The following PRDM5 variants were observed in gnomAD, a reference collection of about 807,000 sequenced individuals.
PRDM5 encodes the protein PR domain zinc finger protein 5.
A neutral mutation model predicts 81.2 loss-of-function variants in PRDM5; 56 were observed. That is an observed-to-expected ratio of 0.69 (90% confidence interval 0.56 to 0.86). The LOEUF (loss-of-function observed/expected upper bound fraction) is 0.86, where lower values mean the gene tolerates loss of function less well. Among genes scored for constraint, PRDM5 ranks in the 40% least tolerant of loss-of-function variants. The pLI, the probability that PRDM5 is intolerant of heterozygous loss-of-function variation, is 0.00. For synonymous variants in PRDM5, 267 were observed against 256.4 expected (o/e 1.04, Z -0.39); for missense variants, 697 against 770.1 (o/e 0.91, Z 1.12).
chr4:120,707,984 G>C (rs982865213), intron 15 of PRDM5, among the ~76,000 whole-genome samples: 1 of 151,898 alleles, frequency 6.6e-6, no homozygotes, highest in Non-Finnish European at 1.5e-5. Context: ...CACCAAGATG[G>C]ATAATTAAAT....
rs140705820 is a variant in PRDM5, at chr4:120,700,320, A to C, written c.1729-5045T>G. ...CAAAAATTAACTTTAAGATGAATTAAAGATTTAAATGTAAGAGCTCAAACT... is the reference window on the plus strand; with the variant it reads ...CAAAAATTAACTTTAAGATGAATTACAGATTTAAATGTAAGAGCTCAAACT... On this transcript the variant is annotated intron_variant, in intron 15 of 15. Coordinates refer to ENST00000264808, the MANE Select transcript of PRDM5 (RefSeq NM_018699.4). Among the ~76,000 whole-genome samples, 46 of 152,384 alleles carry C rather than the reference A, an allele frequency of 3.0e-4. No individual in the cohort carries two copies. In the East Asian group the frequency reaches 5.8e-3, roughly 19 times the overall value.
At chr4:120,719,924 T>C (rs1738343091) in intron 14 of PRDM5, among the ~76,000 whole-genome samples, 1 of 152,164 alleles carries the variant, frequency 6.6e-6, no homozygotes, top group Non-Finnish European at 1.5e-5. Flanking sequence ...CTATTTTTGA[T>C]ATCAGGAAGA....
At chr4:120,900,357 CAAAA>C (rs1266921817) in intron 2 of PRDM5, among the ~76,000 whole-genome samples, 1 of 151,946 alleles carries the variant, frequency 6.6e-6, no homozygotes, top group African/African-American at 2.4e-5. Flanking sequence ...CATTAGCAAA[CAAAA>C]AACACTCTTA....
intron 2 of PRDM5, among the ~76,000 whole-genome samples, chr4:120,907,258 T>TG (rs776689543): frequency 2.0e-5 from 3 of 146,522 alleles, no homozygotes; most frequent in Non-Finnish European, 4.5e-5. Flanking sequence ...CGCTTGAACC[T>TG]GGGGGGCGGA....
chr4:120,784,033 T>G (rs1749414596), intron 11 of PRDM5, among the ~76,000 whole-genome samples: 1 of 152,168 alleles, frequency 6.6e-6, no homozygotes, highest in South Asian at 2.1e-4. Context: ...TTTCTACTGA[T>G]TAAGCTAATT....
chr4:120,739,602 C>G lies in PRDM5; in HGVS notation c.1623+14951G>C, dbSNP rs374780627. ...AAAACAGAATTTTGTTCCACAAAGACTTTTGTCTATTTTCCTATGGGATAA... is the reference window on the plus strand; with the variant it reads ...AAAACAGAATTTTGTTCCACAAAGAGTTTTGTCTATTTTCCTATGGGATAA... On this transcript the variant is annotated intron_variant, in intron 14 of 15. Transcript: ENST00000264808. 2.0e-5 allele frequency among the ~76,000 whole-genome samples: 3 copies of G among 152,166 alleles called. No individual in the cohort carries two copies. The East Asian group carries it at 5.8e-4, about 29-fold the overall frequency.
chr4:120,769,992 G>A (rs964933088), intron 13 of PRDM5, among the ~76,000 whole-genome samples: 1 of 150,612 alleles, frequency 6.6e-6, no homozygotes, highest in Admixed American at 6.7e-5. Context: ...TGCTCTCATT[G>A]GAATAAAATA....
chr4:120,906,172 T>G (rs893913783), intron 2 of PRDM5, among the ~76,000 whole-genome samples: 1 of 152,040 alleles, frequency 6.6e-6, no homozygotes, highest in Non-Finnish European at 1.5e-5. Flanking sequence ...TGGGTTGCTA[T>G]GTCGCTCTGG....
intron 3 of PRDM5, among the ~76,000 whole-genome samples, chr4:120,840,461 A>G (rs1399601650): frequency 6.6e-6 from 1 of 152,068 alleles, no homozygotes; most frequent in Non-Finnish European, 1.5e-5. Context: ...CCTCCTCCCA[A>G]GGCATAGGAA....
rs1430932629 is a variant in PRDM5, at chr4:120,784,799, A to G, written c.1282+199T>C. Among the ~76,000 whole-genome samples the G allele has an allele frequency of 5.3e-5, 8 of 152,182 alleles. No individual in the cohort carries two copies. The East Asian group carries it at 1.5e-3, about 29-fold the overall frequency. ...AGAAAATAAAATATCTCATAAAATA[A>G]TTAATATTACTGTGGAAAAATAAAG... On this transcript the variant is annotated intron_variant, in intron 11 of 15. Coordinates refer to ENST00000264808, the MANE Select transcript of PRDM5 (RefSeq NM_018699.4).
intron 3 of PRDM5, among the ~76,000 whole-genome samples, chr4:120,826,450 T>G (rs1362740115): frequency 6.6e-6 from 1 of 152,160 alleles, no homozygotes; most frequent in East Asian, 1.9e-4. Flanking sequence ...CATTTACTTC[T>G]GTGGTTTTTG....
rs184101003 is a variant in PRDM5 at position 120,803,943 on chromosome 4, A to G, written c.946-4198T>C. On this transcript the variant is annotated intron_variant, in intron 8 of 15. Transcript: ENST00000264808. Reference sequence around the variant, plus strand: ...AGAGAGTCAACACCCATCAGTGTGCAGTATTCAGGAGACCCATCTCACGTG... The same window carrying G: ...AGAGAGTCAACACCCATCAGTGTGCGGTATTCAGGAGACCCATCTCACGTG... Among the ~76,000 whole-genome samples the G allele has an allele frequency of 1.3e-3, 198 of 152,306 alleles. 1 individual carries two copies. The highest frequency in any genetic ancestry group is 4.5e-3 in the African/African-American group (188 of 41,570).
At chr4:120,777,374 T>C in intron 12 of PRDM5, 93 bp from the exon 13 acceptor site, 2 of 1,569,550 alleles carry the variant, frequency 1.3e-6, no homozygotes, top group East Asian at 2.3e-5. Flanking sequence ...CCTTATTTTG[T>C]AGGATTACAT....
chr4:120,719,767 C>T (rs568679643), intron 14 of PRDM5, among the ~76,000 whole-genome samples: 4 of 152,086 alleles, frequency 2.6e-5, no homozygotes, highest in African/African-American at 7.2e-5. Context: ...ATTCATTATC[C>T]TATTCTCTGC....
chr4:120,745,116 G>A (rs1403325502), intron 14 of PRDM5, among the ~76,000 whole-genome samples: 5 of 121,666 alleles, frequency 4.1e-5, no homozygotes, highest in Non-Finnish European at 1.7e-5. Flanking sequence ...GGGATGCAAG[G>A]CTGGTTCAAT....
chr4:120,753,442 A>G (rs1043527065), intron 14 of PRDM5, among the ~76,000 whole-genome samples: 1 of 152,192 alleles, frequency 6.6e-6, no homozygotes, highest in Non-Finnish European at 1.5e-5. Flanking sequence ...GAAACCTGCT[A>G]TAGATTTGCT....
intron 2 of PRDM5, among the ~76,000 whole-genome samples, chr4:120,874,306 G>A (rs1278572779): frequency 2.0e-5 from 3 of 152,154 alleles, no homozygotes; most frequent in African/African-American, 7.2e-5. Flanking sequence ...AGATGAATAT[G>A]TAAAGTTAAT....
intron 2 of PRDM5, among the ~76,000 whole-genome samples, chr4:120,867,347 C>T (rs1472434959): frequency 6.6e-6 from 1 of 152,114 alleles, no homozygotes; most frequent in Non-Finnish European, 1.5e-5. Flanking sequence ...AAAATCAGTT[C>T]CTCTTATAAA....
At chr4:120,913,310 T>C (rs1397514794) in intron 1 of PRDM5, among the ~76,000 whole-genome samples, 2 of 152,200 alleles carry the variant, frequency 1.3e-5, no homozygotes, top group African/African-American at 4.8e-5. Flanking sequence ...TCCAAGAGAA[T>C]TGCAAAGACT....
Sources: gnomAD v4.1 joint callset for allele counts (sites outside exome capture counted in the v4.1 genomes callset) on GRCh38, gnomAD v4.1.1 for gene constraint, MANE v1.5 for transcripts, NCBI Gene and HGNC (gene_info 2026-07-23, HGNC 2026-07-21) for gene names.